Variants in MCPH1 observed in about 807,000 individuals in gnomAD.
MCPH1 encodes microcephalin 1.
In MCPH1, 104 loss-of-function variants were observed where a neutral mutation model predicts 84.5. That is an observed-to-expected ratio of 1.23 (90% CI 1.05 to 1.45). The LOEUF (loss-of-function observed/expected upper bound fraction) is 1.45. Ranked by LOEUF, MCPH1 falls within the 40% of genes most tolerant of loss-of-function variation. The probability of loss-of-function intolerance (pLI) is 0.00; values close to 1 mark genes in which losing one functional copy is unlikely to be tolerated. For missense variants in MCPH1, 1,498 were observed against 1,005.7 expected (o/e 1.49, Z -6.62); for synonymous variants, 514 against 366.8 (o/e 1.40, Z -4.58).
At chr8:6,433,147 G>A in intron 4 of MCPH1, among the ~76,000 whole-genome samples, 1 of 152,090 alleles carries the variant, frequency 6.6e-6, no homozygotes. Context: ...TCAGTTTTCT[G>A]TATTGCATTA....
intron 8 of MCPH1, 53 bp downstream of exon 8, chr8:6,445,600 G>C (rs948729680): frequency 6.6e-7 from 1 of 1,520,862 alleles, no homozygotes; most frequent in Non-Finnish European, 8.8e-7. Flanking sequence ...ATGTAACAGT[G>C]CATCCATATT....
chr8:6,451,157 C>T (rs962240501), intron 8 of MCPH1, among the ~76,000 whole-genome samples: 1 of 152,098 alleles, frequency 6.6e-6, no homozygotes. Context: ...TATTAAGAAC[C>T]CCCTTTCCCA....
At chr8:6,600,837 A>G (rs1829303348) in intron 12 of MCPH1, among the ~76,000 whole-genome samples, 1 of 152,182 alleles carries the variant, frequency 6.6e-6, no homozygotes, top group South Asian at 2.1e-4. Flanking sequence ...ATGGGCTCCC[A>G]TCAAGGGTGA....
At chr8:6,640,083 TGTGTGTGTGTGTGTGCGCGCGC>T (rs1258727305) in intron 13 of MCPH1, among the ~76,000 whole-genome samples, 5 of 144,816 alleles carry the variant, frequency 3.5e-5, no homozygotes, top group South Asian at 4.4e-4. Flanking sequence ...TGTGTGTGTG[TGTGTGTGTGTGTGTGCGCGCGC>T]GTGTGTGTGT....
chr8:6,525,721 A>G (rs895537515), intron 12 of MCPH1, among the ~76,000 whole-genome samples: 1 of 152,242 alleles, frequency 6.6e-6, no homozygotes, highest in African/African-American at 2.4e-5. Context: ...AAAATCATCA[A>G]CACTATTTTC....
At chr8:6,567,118 TGCG>T (rs1826248727) in intron 12 of MCPH1, among the ~76,000 whole-genome samples, 1 of 133,768 alleles carries the variant, frequency 7.5e-6, no homozygotes, top group Non-Finnish European at 1.6e-5. Flanking sequence ...GTGCACGCGG[TGCG>T]GTGACCGTGT....
Position 6,643,095 on chromosome 8 carries a change from T to C in MCPH1, c.*46T>C, listed in dbSNP as rs753722033. 1 of 1,500,958 alleles carries C rather than the reference T, an allele frequency of 6.7e-7. No homozygotes were observed. The highest frequency in any genetic ancestry group is 1.1e-5 in the South Asian group (1 of 88,180). 93.0% of individuals were successfully genotyped at this position (1,500,958 alleles called of 1,614,324 possible). A position where few individuals can be genotyped will look rare whatever the true frequency, so the allele number is the denominator to read the frequency against. On this transcript the variant is annotated 3_prime_UTR_variant, in exon 14 of 14. Transcript: ENST00000344683. ...GGTGACTGCACACAGCTCGCAAAACTGTCTTTGGATGTTCAAATGAGAAAC... is the reference window on the plus strand; with the variant it reads ...GGTGACTGCACACAGCTCGCAAAACCGTCTTTGGATGTTCAAATGAGAAAC...
chr8:6,565,207 T>C (rs1046962195), intron 12 of MCPH1, among the ~76,000 whole-genome samples: 6 of 152,226 alleles, frequency 3.9e-5, no homozygotes, highest in African/African-American at 1.4e-4. Flanking sequence ...GTAGGGTTTT[T>C]AGGATTAAGA....
chr8:6,533,213 A>G (rs1310367108), intron 12 of MCPH1, among the ~76,000 whole-genome samples: 2 of 152,248 alleles, frequency 1.3e-5, no homozygotes, highest in African/African-American at 2.4e-5. Context: ...CTCAGTTACT[A>G]AAGATGATGA....
chr8:6,600,503 CA>C (rs1308969603), intron 12 of MCPH1, among the ~76,000 whole-genome samples: 5 of 152,252 alleles, frequency 3.3e-5, no homozygotes, highest in Admixed American at 3.3e-4. Flanking sequence ...CCCTTGGCGG[CA>C]CATCTCCAGC....
intron 11 of MCPH1, 66 bp downstream of exon 11, chr8:6,480,942 G>T (rs1373214641): frequency 3.8e-6 from 6 of 1,576,484 alleles, no homozygotes; most frequent in Non-Finnish European, 5.2e-6. Context: ...TCACCCTGAG[G>T]TGCCGACATC....
intron 11 of MCPH1, among the ~76,000 whole-genome samples, chr8:6,498,911 G>T (rs548069155): frequency 1.3e-5 from 2 of 152,034 alleles, no homozygotes; most frequent in African/African-American, 2.4e-5. Context: ...AATTAGCCAG[G>T]TGTGGTGGTG....
intron 13 of MCPH1, among the ~76,000 whole-genome samples, chr8:6,642,289 A>T (rs1563230566): frequency 6.6e-6 from 1 of 152,216 alleles, no homozygotes; most frequent in East Asian, 1.9e-4. Context: ...GTAGGAATAG[A>T]ATGCAGTGCG....
intron 3 of MCPH1, among the ~76,000 whole-genome samples, chr8:6,422,805 C>T (rs1290155337): frequency 6.6e-6 from 1 of 152,184 alleles, no homozygotes; most frequent in African/African-American, 2.4e-5. Context: ...TCTCCTGCCT[C>T]AGCCTCCCGA....
chr8:6,474,258 C>T, intron 9 of MCPH1: 1 of 579,418 alleles, frequency 1.7e-6, no homozygotes. Context: ...GCTAAATCAC[C>T]CACATTAATG....
At chr8:6,517,150 G>C (rs117342161) in intron 12 of MCPH1, among the ~76,000 whole-genome samples, 1 of 152,170 alleles carries the variant, frequency 6.6e-6, no homozygotes, top group Non-Finnish European at 1.5e-5. Context: ...GATTATATCA[G>C]GATCAGCAAA....
At chr8:6,535,099 A>T (rs1364441879) in intron 12 of MCPH1, among the ~76,000 whole-genome samples, 1 of 152,238 alleles carries the variant, frequency 6.6e-6, no homozygotes, top group Non-Finnish European at 1.5e-5. Context: ...ATAATAATTT[A>T]CAAAGTGGTA....
intron 3 of MCPH1, among the ~76,000 whole-genome samples, chr8:6,430,646 G>A (rs964177233): frequency 1.3e-5 from 2 of 152,068 alleles, no homozygotes; most frequent in South Asian, 2.1e-4. Context: ...ATAACTGTTC[G>A]TGTGTTAGAT....
chr8:6,599,300 C>T (rs761920563), intron 12 of MCPH1, among the ~76,000 whole-genome samples: 14 of 151,922 alleles, frequency 9.2e-5, no homozygotes, highest in Non-Finnish European at 1.6e-4. Flanking sequence ...TTTTTTTTTC[C>T]AAGTGACTCA....
Sources: gnomAD v4.1 joint callset for allele counts (sites outside exome capture counted in the v4.1 genomes callset) on GRCh38, gnomAD v4.1.1 for gene constraint, MANE v1.5 for transcripts, NCBI Gene and HGNC (gene_info 2026-07-23, HGNC 2026-07-21) for gene names.